Variants in CFAP299 observed in about 807,000 individuals in gnomAD.
CFAP299 encodes cilia- and flagella-associated protein 299.
CFAP299 carries 21 observed loss-of-function variants against 27.0 expected under a neutral mutation model. The ratio of observed to expected loss-of-function variants is 0.78; its 90% CI spans 0.55 to 1.12. The LOEUF is 1.12. Ranked by LOEUF, CFAP299 falls within the 50% of genes most tolerant of loss-of-function variation. CFAP299 has a pLI of 0.00. For missense variants in CFAP299, 310 were observed against 276.6 expected, an observed-to-expected ratio of 1.12 and a Z score of -0.86; for synonymous variants, 104 against 98.1, an observed-to-expected ratio of 1.06 and a Z score of -0.36.
intron 4 of CFAP299, among the ~76,000 whole-genome samples, chr4:80,923,383 T>A (rs1736142328): frequency 6.6e-6 from 1 of 152,070 alleles, no homozygotes; most frequent in Non-Finnish European, 1.5e-5. Flanking sequence ...AGTGTATATA[T>A]AAAAAGGCAT....
chr4:80,386,589 A>G (rs1016178363), intron 2 of CFAP299: 130 of 1,597,726 alleles, frequency 8.1e-5, no homozygotes, highest in Middle Eastern at 1.7e-4. Context: ...TCTTTGAGGT[A>G]TTTGTGGCGG....
chr4:80,549,552 G>A (rs1006329413), intron 2 of CFAP299, among the ~76,000 whole-genome samples: 4 of 152,090 alleles, frequency 2.6e-5, no homozygotes, highest in East Asian at 1.9e-4. Context: ...ATTAAAGAGC[G>A]TCTTCACTAT....
chr4:80,548,947 AG>A (rs1415319933), intron 2 of CFAP299, among the ~76,000 whole-genome samples: 6 of 152,116 alleles, frequency 3.9e-5, no homozygotes, highest in Admixed American at 3.3e-4. Context: ...AAAAAATTCC[AG>A]GTAGCGTTTT....
At chr4:80,619,988 A>G (rs538365056) in intron 3 of CFAP299, among the ~76,000 whole-genome samples, 35 of 152,238 alleles carry the variant, frequency 2.3e-4, no homozygotes, top group African/African-American at 6.7e-4. Flanking sequence ...ACCATCAATA[A>G]TCATAAGCAT....
chr4:80,469,820 T>C (rs2110114761), intron 2 of CFAP299, among the ~76,000 whole-genome samples: 1 of 152,262 alleles, frequency 6.6e-6, no homozygotes, highest in South Asian at 2.1e-4. Context: ...TAAGTCTTCT[T>C]GTATATTTAC....
At chr4:80,906,033 A>G (rs1459389947) in intron 4 of CFAP299, among the ~76,000 whole-genome samples, 2 of 152,232 alleles carry the variant, frequency 1.3e-5, no homozygotes. Flanking sequence ...CTCATCTGAG[A>G]TAAGGCAAGG....
chr4:80,703,838 A>G (rs1560708381), intron 3 of CFAP299, among the ~76,000 whole-genome samples: 1 of 151,724 alleles, frequency 6.6e-6, no homozygotes, highest in Non-Finnish European at 1.5e-5. Context: ...TCTTCAGCTG[A>G]CAATTTCCAG....
chr4:80,431,329 T>C (rs1173444505), intron 2 of CFAP299, among the ~76,000 whole-genome samples: 1 of 151,804 alleles, frequency 6.6e-6, no homozygotes, highest in Non-Finnish European at 1.5e-5. Flanking sequence ...CTCTGTTCTT[T>C]TCCTTCCTTC....
At chr4:80,622,811 C>G (rs1179145110) in intron 3 of CFAP299, among the ~76,000 whole-genome samples, 2 of 152,070 alleles carry the variant, frequency 1.3e-5, no homozygotes. Context: ...CTCACATCAT[C>G]TAAAAAAACT....
At chr4:80,444,328 G>GAT (rs1175751975) in intron 2 of CFAP299, among the ~76,000 whole-genome samples, 2 of 152,080 alleles carry the variant, frequency 1.3e-5, no homozygotes, top group Non-Finnish European at 2.9e-5. Context: ...TACCAAAACA[G>GAT]ATATATAGGC....
chr4:80,681,319 T>C (rs1412041684), intron 3 of CFAP299, among the ~76,000 whole-genome samples: 1 of 151,948 alleles, frequency 6.6e-6, no homozygotes, highest in Non-Finnish European at 1.5e-5. Flanking sequence ...CATTAGGAGA[T>C]TGATGATGTG....
At chr4:80,352,473 A>C (rs542054430) in intron 1 of CFAP299, among the ~76,000 whole-genome samples, 1 of 152,218 alleles carries the variant, frequency 6.6e-6, no homozygotes, top group African/African-American at 2.4e-5. Flanking sequence ...AGACTGAGGC[A>C]GGAGAATCCC....
At chr4:80,641,670 G>A (rs971736549) in intron 3 of CFAP299, among the ~76,000 whole-genome samples, 17 of 152,108 alleles carry the variant, frequency 1.1e-4, no homozygotes, top group Admixed American at 2.0e-4. Context: ...AGGAATTGAC[G>A]TACAGCTTAT....
intron 3 of CFAP299, among the ~76,000 whole-genome samples, chr4:80,862,636 C>G (rs1018127919): frequency 1.3e-5 from 2 of 152,122 alleles, no homozygotes; most frequent in Non-Finnish European, 2.9e-5. Flanking sequence ...GAAGAAGTCA[C>G]TCTGCCCTGC....
At chr4:80,860,976 C>G (rs1279991603) in intron 3 of CFAP299, among the ~76,000 whole-genome samples, 1 of 152,218 alleles carries the variant, frequency 6.6e-6, no homozygotes, top group East Asian at 1.9e-4. Flanking sequence ...GCAGAGGTTA[C>G]TGCTATCTTT....
At chr4:80,583,477 A>G (rs1029349877) in intron 3 of CFAP299, among the ~76,000 whole-genome samples, 1 of 151,848 alleles carries the variant, frequency 6.6e-6, no homozygotes, top group Non-Finnish European at 1.5e-5. Context: ...GCTTCTTTTA[A>G]ACTTAACCTC....
chr4:80,331,104 C>T (rs1721924817), upstream of CFAP299, among the ~76,000 whole-genome samples: 1 of 152,048 alleles, frequency 6.6e-6, no homozygotes, highest in African/African-American at 2.4e-5. Context: ...TAATAGGGAG[C>T]TAATAGGTAA....
intron 4 of CFAP299, among the ~76,000 whole-genome samples, chr4:80,914,545 T>A (rs1156976324): frequency 6.6e-6 from 1 of 152,122 alleles, no homozygotes; most frequent in Admixed American, 6.6e-5. Context: ...GAAAAAAGGC[T>A]CCTGGAGGAA....
chr4:80,907,597 T>G (rs992868575), intron 4 of CFAP299, among the ~76,000 whole-genome samples: 2 of 152,070 alleles, frequency 1.3e-5, no homozygotes, highest in African/African-American at 2.4e-5. Context: ...ACATCCTTCT[T>G]CACATGGCAG....
Sources: allele counts gnomAD v4.1 joint callset (sites outside exome capture counted in the v4.1 genomes callset), GRCh38; gene constraint gnomAD v4.1.1; transcripts MANE v1.5; gene names NCBI Gene and HGNC (gene_info 2026-07-23, HGNC 2026-07-21).